Variants in ZNF407 observed in about 807,000 individuals in gnomAD.
ZNF407 encodes zinc finger protein 407.
ZNF407 carries 17 observed loss-of-function variants against 131.2 expected under a neutral mutation model. That is an observed-to-expected ratio of 0.13 (90% CI 0.09 to 0.19). The LOEUF (loss-of-function observed/expected upper bound fraction) is 0.19, where lower values mean the gene tolerates loss of function less well. ZNF407 is among the 10% of genes least tolerant of loss of function. The probability of loss-of-function intolerance (pLI) is 1.00; values close to 1 mark genes in which losing one functional copy is unlikely to be tolerated. For synonymous variants in ZNF407, 1,156 were observed against 1,062.0 expected (o/e 1.09, Z -1.72); for missense variants, 2,681 against 2,830.6 (o/e 0.95, Z 1.20).
At chr18:74,873,652 A>C (rs1441270810) in intron 4 of ZNF407, among the ~76,000 whole-genome samples, 1 of 152,054 alleles carries the variant, frequency 6.6e-6, no homozygotes. Context: ...CTGAGGCTGC[A>C]GTGAGCAGTG....
chr18:74,633,980 T>C lies in ZNF407; in HGVS notation c.2961T>C (p.Asp987=). Residue 987 remains aspartate, a synonymous_variant, in exon 2 of 9, where the codon GAT becomes GAC. Transcript: ENST00000299687. ...LDGEVNSHLL[D]KKEQISSEPE... is the part of the protein sequence containing the mutation. ...GAGAAGTTAACAGCCATCTTCTTGA[T>C]AAAAAGGAGCAAATATCTTCAGAGC... The C allele has an allele frequency of 1.9e-6, 3 of 1,613,976 alleles. No homozygotes were observed. The highest frequency in any genetic ancestry group is 2.5e-6 in the Non-Finnish European group (3 of 1,179,884).
intron 1 of ZNF407, among the ~76,000 whole-genome samples, chr18:74,626,772 C>T (rs1983804584): frequency 1.3e-5 from 2 of 152,184 alleles, no homozygotes; most frequent in Non-Finnish European, 2.9e-5. Flanking sequence ...ACCTCCCTTC[C>T]CCCACAGAGC....
At chr18:75,031,167 G>A (rs190566283) in intron 8 of ZNF407, among the ~76,000 whole-genome samples, 1 of 152,300 alleles carries the variant, frequency 6.6e-6, no homozygotes, top group East Asian at 1.9e-4. Flanking sequence ...TAAAGGGCCA[G>A]GGGAGCTGAT....
intron 1 of ZNF407, among the ~76,000 whole-genome samples, chr18:74,623,253 T>C (rs992932849): frequency 1.3e-5 from 2 of 151,476 alleles, no homozygotes; most frequent in Non-Finnish European, 2.9e-5. Flanking sequence ...TGTGTGCATG[T>C]GAGTGTGTGT....
At chr18:74,624,356 A>T (rs1306034620) in intron 1 of ZNF407, among the ~76,000 whole-genome samples, 1 of 152,164 alleles carries the variant, frequency 6.6e-6, no homozygotes, top group Non-Finnish European at 1.5e-5. Flanking sequence ...TTGTTCTAGT[A>T]ACCTTTCCCA....
chr18:75,043,675 G>A (rs1485927053), intron 8 of ZNF407, among the ~76,000 whole-genome samples: 2 of 152,194 alleles, frequency 1.3e-5, no homozygotes, highest in African/African-American at 4.8e-5. Context: ...TTGTCTTAAA[G>A]CAGCAAAGTT....
rs765105948 is a variant in ZNF407 at position 74,703,443 on chromosome 18, C to T, written c.4802+62321C>T. Among the ~76,000 whole-genome samples, 43 of 152,086 alleles carry T rather than the reference C, an allele frequency of 2.8e-4. No individual in the cohort carries two copies. The highest frequency in any genetic ancestry group is 9.2e-4 in the Admixed American group (14 of 15,272). ...GTGCAATGGTGCAATCTCGGCTCACCGCAACCTCCACCTTCTGGGTTCAAG... is the reference window on the plus strand; with the variant it reads ...GTGCAATGGTGCAATCTCGGCTCACTGCAACCTCCACCTTCTGGGTTCAAG... On this transcript the variant is annotated intron_variant, in intron 3 of 8. Transcript: ENST00000299687. This position sits in a 1 kb window ranked among gnomAD's most constrained non-coding sequence, Gnocchi z 4.1.
intron 8 of ZNF407, among the ~76,000 whole-genome samples, chr18:75,000,301 A>G (rs1198624025): frequency 6.6e-6 from 1 of 152,258 alleles, no homozygotes; most frequent in African/African-American, 2.4e-5. Flanking sequence ...ATAACATGCT[A>G]CAGTCCTAGC....
chr18:74,834,153 C>G (rs1219718500), intron 4 of ZNF407, among the ~76,000 whole-genome samples: 1 of 152,178 alleles, frequency 6.6e-6, no homozygotes, highest in Non-Finnish European at 1.5e-5. Flanking sequence ...ACCGATTAAC[C>G]CTTATGTGGC....
At chr18:74,895,053 A>G (rs1971435100) in intron 7 of ZNF407, among the ~76,000 whole-genome samples, 1 of 152,168 alleles carries the variant, frequency 6.6e-6, no homozygotes, top group African/African-American at 2.4e-5. Context: ...GGAGCAGAAG[A>G]ATAGAATCTG....
chr18:74,598,027 G>C (rs930477515), intron 1 of ZNF407, 90 bp downstream of exon 1: 1 of 151,442 alleles, frequency 6.6e-6, no homozygotes, highest in Non-Finnish European at 1.5e-5. Flanking sequence ...TTGAGGGCTC[G>C]AAGCCGGGCG....
chr18:74,899,390 G>A (rs1171047828), intron 7 of ZNF407, among the ~76,000 whole-genome samples: 1 of 152,110 alleles, frequency 6.6e-6, no homozygotes, highest in East Asian at 1.9e-4. Flanking sequence ...ACTGAGGGGA[G>A]GGTGACAGAG....
intron 4 of ZNF407, among the ~76,000 whole-genome samples, chr18:74,835,629 G>T (rs2554115): frequency 0.015 from 1,350 of 92,158 alleles, 23 homozygotes; most frequent in African/African-American, 0.019. Flanking sequence ...GACAGAGGGG[G>T]GTGTGTGTGT....
chr18:74,957,226 G>A (rs933030010), intron 8 of ZNF407, among the ~76,000 whole-genome samples: 17 of 151,990 alleles, frequency 1.1e-4, no homozygotes, highest in Non-Finnish European at 2.2e-4. Context: ...TGAGGTTGTC[G>A]TTCTTCGCTT....
chr18:74,854,028 A>G (rs1356787477), intron 4 of ZNF407, among the ~76,000 whole-genome samples: 5 of 152,164 alleles, frequency 3.3e-5, no homozygotes, highest in African/African-American at 1.2e-4. Context: ...ATTACCTGTC[A>G]CATATATAAT....
Position 75,065,098 on chromosome 18 carries a change from G to A in ZNF407, c.*630G>A, listed in dbSNP as rs1315791271. On this transcript the variant is annotated 3_prime_UTR_variant, in exon 9 of 9. Coordinates refer to ENST00000299687, the MANE Select transcript of ZNF407 (RefSeq NM_017757.3). ...AAATTTCCCATCTTCAAACAGTTTA[G>A]GTGTATTTGTTGCTCTGGTCACATT... The A allele has an allele frequency of 6.6e-6, 1 of 152,406 alleles. No individual in the cohort carries two copies. The highest frequency in any genetic ancestry group is 1.9e-4 in the East Asian group (1 of 5,186). 9.4% of individuals were successfully genotyped at this position (152,406 alleles called of 1,614,324 possible).
intron 3 of ZNF407, among the ~76,000 whole-genome samples, chr18:74,731,496 A>T (rs1242978854): frequency 6.6e-6 from 1 of 152,168 alleles, no homozygotes; most frequent in East Asian, 1.9e-4. Flanking sequence ...TTAGAGTGAA[A>T]TTTCTAAGCC....
chr18:75,060,667 G>A (rs1021339837), intron 8 of ZNF407, among the ~76,000 whole-genome samples: 2 of 151,828 alleles, frequency 1.3e-5, no homozygotes, highest in East Asian at 1.9e-4. Context: ...CACCGCGCCC[G>A]GCTAATTTTT....
chr18:74,913,041 T>G (rs535667204), intron 7 of ZNF407, among the ~76,000 whole-genome samples: 1 of 152,310 alleles, frequency 6.6e-6, no homozygotes, highest in African/African-American at 2.4e-5. Flanking sequence ...GGGCAACAAT[T>G]CAAAAATTTG....
Sources: gnomAD v4.1 joint callset for allele counts (sites outside exome capture counted in the v4.1 genomes callset) on GRCh38, gnomAD v4.1.1 for gene constraint, Gnocchi (gnomAD v3.1) non-coding constraint, MANE v1.5 for transcripts, NCBI Gene and HGNC (gene_info 2026-07-23, HGNC 2026-07-21) for gene names.